Variants in MCF2L observed in about 807,000 individuals in gnomAD.
MCF2L encodes the protein MCF.2 cell line derived transforming sequence like.
Under a neutral mutation model 153.4 loss-of-function variants are expected in MCF2L, and 97 were observed. The ratio of observed to expected loss-of-function variants is 0.63; its 90% CI spans 0.54 to 0.75. The LOEUF (loss-of-function observed/expected upper bound fraction) is 0.75, where lower values mean the gene tolerates loss of function less well. MCF2L is among the 30% of genes least tolerant of loss of function. The pLI is 0.00. For missense variants in MCF2L, 1,347 were observed against 1,495.2 expected (o/e 0.90, Z 1.64); for synonymous variants, 659 against 632.2 (o/e 1.04, Z -0.64).
chr13:112,912,929 CTG>C (rs1175464929), intron 2 of MCF2L, among the ~76,000 whole-genome samples: 1 of 129,418 alleles, frequency 7.7e-6, no homozygotes, highest in Non-Finnish European at 1.6e-5. Context: ...TGGGGTGTGT[CTG>C]TATGATTGTG....
chr13:113,072,398 C>T (rs1237632199), intron 9 of MCF2L, among the ~76,000 whole-genome samples: 6 of 152,150 alleles, frequency 3.9e-5, no homozygotes, highest in African/African-American at 4.8e-5. Flanking sequence ...ATAAGAGTGG[C>T]GAGACTGGAC....
intron 13 of MCF2L, among the ~76,000 whole-genome samples, chr13:113,077,644 C>G (rs980836771): frequency 1.3e-5 from 2 of 152,342 alleles, no homozygotes; most frequent in East Asian, 1.9e-4. Flanking sequence ...CGGCCCAGAC[C>G]CTGGGCTCCA....
rs1566893620 is a variant in MCF2L, at chr13:113,096,501, G to T, written c.3188+18G>T. The stretch of plus-strand genomic sequence containing the variant: ...GGCCTCTGGTAAGACCCCGCGCTCA[G>T]CCCCGGACTGCCCCGCACGTGGCTG... On this transcript the variant is annotated intron_variant, in intron 28 of 29. Coordinates refer to ENST00000535094, the MANE Select transcript of MCF2L (RefSeq NM_001112732.3). 1.3e-6 allele frequency: 2 copies of T among 1,580,452 alleles called. No homozygotes were observed. Among genetic ancestry groups the T allele is most frequent in the East Asian group, 2.3e-5 (1 of 43,078 alleles).
At chr13:112,944,235 G>A (rs1408667145) in intron 2 of MCF2L, among the ~76,000 whole-genome samples, 1 of 148,830 alleles carries the variant, frequency 6.7e-6, no homozygotes, top group African/African-American at 2.5e-5. Context: ...GGCTGTGAGG[G>A]GAGGGTCCCG....
intron 2 of MCF2L, chr13:112,917,199 C>G (rs549115559): frequency 4.2e-6 from 2 of 470,832 alleles, no homozygotes. Flanking sequence ...ACCCCTCCCC[C>G]GGGCACTGCA....
chr13:113,088,879 A>G (rs1004923539), intron 25 of MCF2L, among the ~76,000 whole-genome samples: 2 of 152,166 alleles, frequency 1.3e-5, no homozygotes, highest in Admixed American at 6.5e-5. Context: ...CAGTGCGCAC[A>G]TGGCCTGTCC....
chr13:113,014,358 G>T (rs941490386), intron 1 of MCF2L, among the ~76,000 whole-genome samples: 1 of 152,208 alleles, frequency 6.6e-6, no homozygotes, highest in African/African-American at 2.4e-5. Context: ...CCTGCAACAG[G>T]TGCGGGGCAG....
rs182340960 is a variant in MCF2L at position 113,095,343 on chromosome 13, C to T, written c.3075+708C>T. ...GGCGTGGAAGGGTAGGGAGAGCCCT[C>T]GGGGCCTCTGGCCTCTCCCACAGAG... On this transcript the variant is annotated intron_variant, in intron 27 of 29. Transcript: ENST00000535094. The T allele has an allele frequency of 4.2e-4, 486 of 1,159,808 alleles. 3 individuals carry two copies. The African/African-American group carries it at 6.3e-3, about 15-fold the overall frequency. 71.8% of individuals were successfully genotyped at this position (1,159,808 alleles called of 1,614,324 possible). A position where few individuals can be genotyped will look rare whatever the true frequency, so the allele number is the denominator to read the frequency against.
chr13:113,057,865 A>T (rs1401367782), intron 4 of MCF2L, among the ~76,000 whole-genome samples: 7 of 94,836 alleles, frequency 7.4e-5, no homozygotes, highest in Non-Finnish European at 1.0e-4. Flanking sequence ...GTGTTTGGGC[A>T]CTGAGTGTTT....
At chr13:112,931,932 C>T (rs1312699249) in intron 2 of MCF2L, among the ~76,000 whole-genome samples, 2 of 152,126 alleles carry the variant, frequency 1.3e-5, no homozygotes, top group Admixed American at 6.5e-5. Flanking sequence ...GATGAAGAAG[C>T]GTGGGTCCAC....
chr13:113,076,873 A>G (rs2033541281), intron 12 of MCF2L, among the ~76,000 whole-genome samples, 179 bp from the exon 13 acceptor site: 1 of 152,254 alleles, frequency 6.6e-6, no homozygotes, highest in South Asian at 2.1e-4. Context: ...TGGGGGCTGC[A>G]TCCCCCTCTC....
At chr13:112,989,549 CACTG>C (rs2082813209) in intron 1 of MCF2L, among the ~76,000 whole-genome samples, 2 of 17,808 alleles carry the variant, frequency 1.1e-4, no homozygotes, top group East Asian at 4.8e-4. Flanking sequence ...GGAGCTACCA[CACTG>C]GAGTCCTCCC....
In MCF2L at chr13:113,045,406, G is replaced by C; in HGVS notation, c.369+45G>C. On this transcript the variant is annotated intron_variant, in intron 4 of 29. Transcript: ENST00000535094. The surrounding 1 kb of genome is among the most constrained non-coding windows in gnomAD (Gnocchi z 4.2). ...CTGCCCTGCGCCCGGCCCCTCCCTG[G>C]GCTGCATGACCGCATGGTGCCCTTC... 6.7e-7 allele frequency: 1 copy of C among 1,502,530 alleles called. No homozygotes were observed. Among genetic ancestry groups the C allele is most frequent in the Non-Finnish European group, 9.3e-7 (1 of 1,079,908 alleles). The allele number at this position is 1,502,530 out of a possible 1,614,324, so 93.1% of individuals were successfully genotyped here.
intron 1 of MCF2L, among the ~76,000 whole-genome samples, chr13:113,007,671 G>A (rs1011886661): frequency 2.0e-5 from 3 of 152,322 alleles, no homozygotes; most frequent in East Asian, 1.9e-4. Flanking sequence ...CTGTGCAAAC[G>A]CGGTTCGGCG....
intron 1 of MCF2L, among the ~76,000 whole-genome samples, chr13:112,974,711 G>T (rs750807573): frequency 1.3e-5 from 2 of 152,094 alleles, no homozygotes. Context: ...ACCTGCTTTC[G>T]CCATAATAAA....
chr13:112,933,032 A>G (rs2081478975), intron 2 of MCF2L, among the ~76,000 whole-genome samples: 1 of 104,422 alleles, frequency 9.6e-6, no homozygotes, highest in Admixed American at 1.0e-4. Context: ...CTCCATCTCA[A>G]AATAAATAAA....
At chr13:112,897,223 C>G (rs1352057382) in intron 1 of MCF2L, among the ~76,000 whole-genome samples, 2 of 152,192 alleles carry the variant, frequency 1.3e-5, no homozygotes, top group South Asian at 2.1e-4. Flanking sequence ...TAAAGTGAAC[C>G]TCTCCGAGCT....
intron 14 of MCF2L, 106 bp from the exon 15 acceptor site, chr13:113,078,560 G>A (rs2033764870): frequency 7.1e-7 from 1 of 1,398,692 alleles, no homozygotes; most frequent in East Asian, 2.4e-5. Context: ...CCCCATCGTG[G>A]GAATTCAGCC....
chr13:113,002,122 A>G (rs1173351416), intron 1 of MCF2L: 3 of 1,015,818 alleles, frequency 3.0e-6, no homozygotes, highest in Non-Finnish European at 4.0e-6. Flanking sequence ...GGGCTGGGGG[A>G]TGCCGGGGAT....
Sources: allele counts gnomAD v4.1 joint callset (sites outside exome capture counted in the v4.1 genomes callset), GRCh38; gene constraint gnomAD v4.1.1; non-coding constraint Gnocchi (gnomAD v3.1); transcripts MANE v1.5; gene names NCBI Gene and HGNC (gene_info 2026-07-23, HGNC 2026-07-21).